SHISA9: variants seen among roughly 807,000 people sequenced by gnomAD.
The protein encoded by SHISA9 is protein shisa-9.
SHISA9 carries 13 observed loss-of-function variants against 38.0 expected under a neutral mutation model. The ratio of observed to expected loss-of-function variants is 0.34; its 90% CI spans 0.22 to 0.54. The LOEUF (loss-of-function observed/expected upper bound fraction) is 0.54, where lower values mean the gene tolerates loss of function less well. SHISA9 is among the 20% of genes least tolerant of loss of function. The probability of loss-of-function intolerance (pLI) is 0.91; values close to 1 mark genes in which losing one functional copy is unlikely to be tolerated. For missense variants in SHISA9, 538 were observed against 575.8 expected, an observed-to-expected ratio of 0.93 and a Z score of 0.67; for synonymous variants, 275 against 242.0, an observed-to-expected ratio of 1.14 and a Z score of -1.27.
the SHISA9 span, among the ~76,000 whole-genome samples, chr16:13,358,785 A>G: frequency 4.6e-5 from 7 of 152,146 alleles, no homozygotes; most frequent in Non-Finnish European, 8.8e-5. Flanking sequence ...AGCTGTAATA[A>G]CCTTTCTCTT....
chr16:13,362,164 G>A, the SHISA9 span, among the ~76,000 whole-genome samples: 1 of 139,648 alleles, frequency 7.2e-6, no homozygotes, highest in African/African-American at 2.7e-5. Flanking sequence ...AGGAATTTAA[G>A]ATCAGCCTGG....
At chr16:13,556,436 G>A in the SHISA9 span, among the ~76,000 whole-genome samples, 8 of 152,014 alleles carry the variant, frequency 5.3e-5, no homozygotes, top group Non-Finnish European at 8.8e-5. Context: ...CGAGGCGGGC[G>A]GATCACGAGG....
intron 2 of SHISA9, among the ~76,000 whole-genome samples, chr16:12,927,979 G>C (rs1354098522): frequency 6.6e-6 from 1 of 152,050 alleles, no homozygotes; most frequent in African/African-American, 2.4e-5. Context: ...CTGACTTTTC[G>C]ATTTTGCCAA....
chr16:13,364,039 A>G, the SHISA9 span, among the ~76,000 whole-genome samples: 1 of 152,210 alleles, frequency 6.6e-6, no homozygotes, highest in Admixed American at 6.5e-5. Context: ...CACTGATCTG[A>G]GGGATGGAGC....
At chr16:13,057,094 C>A (rs897569877) in intron 2 of SHISA9, among the ~76,000 whole-genome samples, 10 of 152,152 alleles carry the variant, frequency 6.6e-5, no homozygotes, top group African/African-American at 2.4e-4. Context: ...TGCTATAGGC[C>A]CGCTAGCAGA....
chr16:13,044,962 T>C (rs1408888178), intron 2 of SHISA9, among the ~76,000 whole-genome samples: 1 of 152,214 alleles, frequency 6.6e-6, no homozygotes, highest in Non-Finnish European at 1.5e-5. Context: ...CGCAGCTTGG[T>C]GCAGATGTTA....
the SHISA9 span, among the ~76,000 whole-genome samples, chr16:13,402,129 A>T: frequency 6.6e-6 from 1 of 152,188 alleles, no homozygotes. Context: ...AATCAATAGG[A>T]TATACATAGA....
chr16:13,551,895 C>T, the SHISA9 span, among the ~76,000 whole-genome samples: 1 of 152,136 alleles, frequency 6.6e-6, no homozygotes, highest in Non-Finnish European at 1.5e-5. Context: ...GGCAAGGTTG[C>T]AGGTGCCTGT....
the SHISA9 span, among the ~76,000 whole-genome samples, chr16:13,486,975 A>T: frequency 6.6e-6 from 1 of 152,226 alleles, no homozygotes; most frequent in East Asian, 1.9e-4. Context: ...AAGTGCTGGG[A>T]TTACAAGCGT....
chr16:13,171,128 C>T (rs1839999444), intron 2 of SHISA9, among the ~76,000 whole-genome samples: 1 of 152,120 alleles, frequency 6.6e-6, no homozygotes, highest in Non-Finnish European at 1.5e-5. Flanking sequence ...TGTCACATGG[C>T]AAGAGAGCCA....
rs538386941 is a variant in SHISA9 at position 12,972,902 on chromosome 16, G to A, written c.691+56087G>A. On this transcript the variant is annotated intron_variant, in intron 2 of 4. Transcript: ENST00000558583. ...AGGCCGAGGTGGGAGGATCACTTGA[G>A]GTCATGAGTTCAAGACCAGCCTGGC... Among the ~76,000 whole-genome samples, 14 of 152,206 alleles carry A rather than the reference G, an allele frequency of 9.2e-5. No homozygotes were observed. The East Asian group carries it at 2.3e-3, about 25-fold the overall frequency.
At chr16:13,127,140 G>GAAACA (rs2050266322) in intron 2 of SHISA9, among the ~76,000 whole-genome samples, 1 of 145,402 alleles carries the variant, frequency 6.9e-6, no homozygotes, top group African/African-American at 2.6e-5. Context: ...GGGAGAGAGA[G>GAAACA]AGAGAGTGAA....
chr16:12,978,569 A>G (rs577539847), intron 2 of SHISA9, among the ~76,000 whole-genome samples: 219 of 152,336 alleles, frequency 1.4e-3, no homozygotes, highest in African/African-American at 5.2e-3. Context: ...ACAATTAAGG[A>G]CATCAATATT....
chr16:13,470,606 C>T, the SHISA9 span, among the ~76,000 whole-genome samples: 9 of 152,088 alleles, frequency 5.9e-5, no homozygotes, highest in Non-Finnish European at 1.3e-4. Context: ...GAAACTGCTG[C>T]CGTGATTCAA....
At chr16:13,325,094 C>T in the SHISA9 span, among the ~76,000 whole-genome samples, 3 of 152,072 alleles carry the variant, frequency 2.0e-5, no homozygotes, top group Non-Finnish European at 4.4e-5. Context: ...GGTAAATGTC[C>T]CTTATCAGTA....
At chr16:12,986,810 T>C (rs1002276755) in intron 2 of SHISA9, among the ~76,000 whole-genome samples, 1 of 152,174 alleles carries the variant, frequency 6.6e-6, no homozygotes, top group Non-Finnish European at 1.5e-5. Context: ...AATTTAAAGA[T>C]GAAAATACTG....
chr16:13,086,263 G>A (rs554984935), intron 2 of SHISA9, among the ~76,000 whole-genome samples: 2 of 148,700 alleles, frequency 1.3e-5, no homozygotes, highest in African/African-American at 5.0e-5. Context: ...GCTGAGGCAG[G>A]AGAATTGCTT....
chr16:13,008,810 C>A (rs983168108), intron 2 of SHISA9, among the ~76,000 whole-genome samples: 1 of 151,914 alleles, frequency 6.6e-6, no homozygotes, highest in African/African-American at 2.4e-5. Context: ...CTTTTTTCTT[C>A]ATAAATTACC....
downstream of SHISA9, among the ~76,000 whole-genome samples, chr16:13,241,298 T>C (rs1380810087): frequency 6.6e-6 from 1 of 152,126 alleles, no homozygotes; most frequent in African/African-American, 2.4e-5. Flanking sequence ...GCAGATCACC[T>C]AAGGTCAGGA....
Sources: allele counts gnomAD v4.1 joint callset (sites outside exome capture counted in the v4.1 genomes callset), GRCh38; gene constraint gnomAD v4.1.1; transcripts MANE v1.5; gene names NCBI Gene and HGNC (gene_info 2026-07-23, HGNC 2026-07-21).